The following DISC1 variants were observed in gnomAD, a reference collection of about 807,000 sequenced individuals.
The protein encoded by DISC1 is disrupted in schizophrenia 1 protein.
A neutral mutation model predicts 84.5 loss-of-function variants in DISC1; 57 were observed. That is an observed-to-expected ratio of 0.67 (90% confidence interval 0.55 to 0.84). The LOEUF (loss-of-function observed/expected upper bound fraction) is 0.84, where lower values mean the gene tolerates loss of function less well. Among genes scored for constraint, DISC1 ranks in the 40% least tolerant of loss-of-function variants. DISC1 has a pLI of 0.00. For missense variants in DISC1, 1,000 were observed against 1,057.8 expected (o/e 0.95, Z 0.76); for synonymous variants, 411 against 415.2 (o/e 0.99, Z 0.12).
In DISC1 at chr1:231,675,343, A is replaced by G. The variant is rs1368152724; in HGVS notation, c.68-18483A>G. On this transcript the variant is annotated intron_variant, in intron 1 of 12. Transcript: ENST00000439617. This position sits in a 1 kb window ranked among gnomAD's most constrained non-coding sequence, Gnocchi z 4.1. ...CCTGCCTCTTCCCCAGCCCTACCCT[A>G]TTGCACATTTTAGTGTGGCTTAGCT... Among the ~76,000 whole-genome samples the G allele has an allele frequency of 6.6e-6, 1 of 151,882 alleles. No homozygotes were observed. The highest frequency in any genetic ancestry group is 1.5e-5 in the Non-Finnish European group (1 of 67,968).
chr1:231,758,085 T>C (rs2075316179), intron 4 of DISC1, among the ~76,000 whole-genome samples: 1 of 151,930 alleles, frequency 6.6e-6, no homozygotes, highest in Non-Finnish European at 1.5e-5. Flanking sequence ...TTTTTTCTTT[T>C]CTAGGAGGTT....
At chr1:231,948,211 T>C (rs1040536175) in intron 9 of DISC1, among the ~76,000 whole-genome samples, 3 of 152,116 alleles carry the variant, frequency 2.0e-5, no homozygotes, top group African/African-American at 7.2e-5. Flanking sequence ...AACCCAAATG[T>C]CCATTAATAA....
intron 9 of DISC1, among the ~76,000 whole-genome samples, chr1:231,933,818 C>T (rs1270156496): frequency 6.6e-6 from 1 of 152,080 alleles, no homozygotes; most frequent in Non-Finnish European, 1.5e-5. Flanking sequence ...GGAGCAGTTC[C>T]CTCATTGGTC....
chr1:231,753,844 A>G (rs2074867299), intron 4 of DISC1, among the ~76,000 whole-genome samples: 1 of 152,206 alleles, frequency 6.6e-6, no homozygotes, highest in Non-Finnish European at 1.5e-5. Context: ...TTTGCTGCTT[A>G]GAAATGTCTT....
chr1:231,814,562 G>A (rs2080700033), intron 8 of DISC1, among the ~76,000 whole-genome samples: 1 of 152,030 alleles, frequency 6.6e-6, no homozygotes, highest in South Asian at 2.1e-4. Flanking sequence ...AACACATTTG[G>A]ACTCAATGTT....
At position 231,858,991 on chromosome 1, in the gene DISC1, T is replaced by G. The variant is rs184135156; in HGVS notation, c.1981+40474T>G. Among the ~76,000 whole-genome samples the G allele has an allele frequency of 1.7e-3, 265 of 152,348 alleles. 2 individuals are homozygous for G. The highest frequency in any genetic ancestry group is 6.1e-3 in the African/African-American group (252 of 41,574). Reference sequence around the variant, plus strand: ...TAAAATACACCCTATAACTCTTGAGTGCCCACTCATCCTCAGCTGGCTCTG... The same window carrying G: ...TAAAATACACCCTATAACTCTTGAGGGCCCACTCATCCTCAGCTGGCTCTG... On this transcript the variant is annotated intron_variant, in intron 9 of 12. Coordinates refer to ENST00000439617, the MANE Select transcript of DISC1 (RefSeq NM_018662.3).
chr1:231,647,995 T>C (rs2060279888), intron 1 of DISC1, among the ~76,000 whole-genome samples: 1 of 152,262 alleles, frequency 6.6e-6, no homozygotes, highest in Non-Finnish European at 1.5e-5. Flanking sequence ...TACAATCATA[T>C]CATCTGCCAA....
intron 9 of DISC1, among the ~76,000 whole-genome samples, chr1:231,951,451 T>A (rs1658352988): frequency 6.6e-6 from 1 of 152,190 alleles, no homozygotes; most frequent in South Asian, 2.1e-4. Flanking sequence ...CAAATCTTAT[T>A]TTATGTGCAA....
chr1:231,666,563 A>G (rs2062040609), intron 1 of DISC1, among the ~76,000 whole-genome samples: 2 of 152,140 alleles, frequency 1.3e-5, no homozygotes, highest in Admixed American at 1.3e-4. Context: ...GTTATCTTTT[A>G]ACAAATAATG....
rs553288131 is a variant in DISC1 at position 232,030,701 on chromosome 1, C to A, written c.2425+4149C>A. Among the ~76,000 whole-genome samples the A allele has an allele frequency of 2.6e-5, 4 of 152,208 alleles. No homozygotes were observed. In the South Asian group the frequency reaches 8.3e-4, roughly 32 times the overall value. On this transcript the variant is annotated intron_variant, in intron 12 of 12. Transcript: ENST00000439617. ...TTTTAGCGTGAACAGACAAAGGTAA[C>A]GAGAGTTTTGGGAGACTGTCCTGCC... is the stretch of plus-strand genomic sequence containing the variant.
intron 9 of DISC1, among the ~76,000 whole-genome samples, chr1:231,906,179 C>T (rs964559150): frequency 1.2e-4 from 19 of 152,138 alleles, no homozygotes; most frequent in South Asian, 2.1e-4. Context: ...TGCGTTACCA[C>T]GCCGGGCTAA....
intron 12 of DISC1, among the ~76,000 whole-genome samples, chr1:232,030,664 C>A (rs1410015897): frequency 6.6e-6 from 1 of 152,170 alleles, no homozygotes; most frequent in Non-Finnish European, 1.5e-5. Flanking sequence ...TTGTTTAGTT[C>A]AACTTTCCAA....
intron 1 of DISC1, among the ~76,000 whole-genome samples, chr1:231,692,043 A>T (rs1448865399): frequency 6.6e-6 from 1 of 152,226 alleles, no homozygotes; most frequent in African/African-American, 2.4e-5. Context: ...TTGTAGGCAA[A>T]GGGAATTGAA....
chr1:231,645,190 C>G (rs1353049894), intron 1 of DISC1, among the ~76,000 whole-genome samples: 1 of 152,148 alleles, frequency 6.6e-6, no homozygotes, highest in Non-Finnish European at 1.5e-5. Flanking sequence ...ATCCTAATAA[C>G]AGAGAGATCT....
chr1:231,821,452 G>A (rs867577486), intron 9 of DISC1, among the ~76,000 whole-genome samples: 1 of 152,178 alleles, frequency 6.6e-6, no homozygotes, highest in Admixed American at 6.5e-5. Flanking sequence ...TTGTTGCCAA[G>A]ACACAATCTC....
At position 231,693,908 on chromosome 1, in the gene DISC1, A is replaced by G. The variant is rs1235658014; in HGVS notation, c.150A>G (p.Thr50=). The part of the protein sequence containing the change: ...ARRPGYMRSS[T]GPGIGFLSPA... ...GGCCGGGCTACATGAGAAGCTCGAC[A>G]GGGCCTGGGATCGGGTTCCTTTCCC... The change falls in exon 2 of 13, where the codon ACA becomes ACG. Residue 50 remains threonine (T), a synonymous_variant. Transcript: ENST00000439617. 7.4e-6 allele frequency: 12 copies of G among 1,614,060 alleles called. No homozygotes were observed. The highest frequency in any genetic ancestry group is 1.0e-5 in the Non-Finnish European group (12 of 1,180,042).
intron 9 of DISC1, among the ~76,000 whole-genome samples, chr1:231,886,974 G>A (rs1268855919): frequency 6.7e-6 from 1 of 150,348 alleles, no homozygotes; most frequent in Non-Finnish European, 1.5e-5. Flanking sequence ...CGATTCTCCT[G>A]CCTCAGCCTC....
chr1:231,927,675 T>C (rs1444023934), intron 9 of DISC1, among the ~76,000 whole-genome samples: 1 of 152,188 alleles, frequency 6.6e-6, no homozygotes, highest in Non-Finnish European at 1.5e-5. Flanking sequence ...AAGGAAGTCA[T>C]TGATGGAGAG....
intron 1 of DISC1, among the ~76,000 whole-genome samples, chr1:231,639,359 C>A (rs1478580029): frequency 6.6e-6 from 1 of 152,136 alleles, no homozygotes; most frequent in African/African-American, 2.4e-5. Context: ...AAGCATGGGG[C>A]ACTGCAGCAT....
Sources: gnomAD v4.1 joint callset for allele counts (sites outside exome capture counted in the v4.1 genomes callset) on GRCh38, gnomAD v4.1.1 for gene constraint, Gnocchi (gnomAD v3.1) non-coding constraint, MANE v1.5 for transcripts, NCBI Gene and HGNC (gene_info 2026-07-23, HGNC 2026-07-21) for gene names.